The following PDS5A variants were observed in gnomAD, a reference collection of about 807,000 sequenced individuals.
PDS5A encodes PDS5 cohesin associated factor A, also known as sister chromatid cohesion protein PDS5 homolog A.
In PDS5A, 42 loss-of-function variants were observed where a neutral mutation model predicts 167.1. That is an observed-to-expected ratio of 0.25 (90% CI 0.20 to 0.33). The LOEUF (loss-of-function observed/expected upper bound fraction) is 0.33, where lower values mean the gene tolerates loss of function less well. Ranked by LOEUF, PDS5A falls within the 10% of genes least tolerant of loss-of-function variation. The pLI is 1.00. For missense variants in PDS5A, 1,033 were observed against 1,605.9 expected (o/e 0.64, Z 6.10); for synonymous variants, 553 against 554.6 (o/e 1.00, Z 0.04).
chr4:39,943,741 C>T (rs569057518), intron 2 of PDS5A, among the ~76,000 whole-genome samples: 2 of 151,400 alleles, frequency 1.3e-5, no homozygotes, highest in East Asian at 1.9e-4. Flanking sequence ...TGGGAGGCGG[C>T]GGTTGCAGTG....
chr4:39,925,497 G>A (rs765976702), intron 5 of PDS5A, among the ~76,000 whole-genome samples: 14 of 152,228 alleles, frequency 9.2e-5, no homozygotes, highest in Non-Finnish European at 1.6e-4. Context: ...GGTTTCAGAC[G>A]ATTTGCTTTA....
intron 2 of PDS5A, among the ~76,000 whole-genome samples, chr4:39,964,663 C>T (rs1394198333): frequency 3.9e-5 from 6 of 152,190 alleles, no homozygotes; most frequent in African/African-American, 1.4e-4. Flanking sequence ...CCAGTGCACT[C>T]CAGCCTGGGC....
intron 22 of PDS5A, among the ~76,000 whole-genome samples, chr4:39,867,771 CA>C (rs779620662): frequency 0.083 from 11,147 of 134,954 alleles, 448 homozygotes; most frequent in Non-Finnish European, 0.1. Flanking sequence ...CACACACACA[CA>C]CACCCCACAA....
At chr4:39,927,695 T>C (rs1202704983) in intron 3 of PDS5A, among the ~76,000 whole-genome samples, 1 of 152,214 alleles carries the variant, frequency 6.6e-6, no homozygotes, top group Non-Finnish European at 1.5e-5. Flanking sequence ...TGGGCTTTTG[T>C]GATGAATTAG....
intron 31 of PDS5A, among the ~76,000 whole-genome samples, chr4:39,841,682 T>A (rs1717033693): frequency 6.6e-6 from 1 of 152,128 alleles, no homozygotes; most frequent in African/African-American, 2.4e-5. Context: ...CCGGTAATTT[T>A]TTTATTTTTA....
At chr4:39,862,789 C>A in intron 25 of PDS5A, 80 bp downstream of exon 25, 1 of 816,166 alleles carries the variant, frequency 1.2e-6, no homozygotes, top group Non-Finnish European at 2.0e-6. Flanking sequence ...ATAATAGAAA[C>A]ACATGACAAG....
intron 11 of PDS5A, among the ~76,000 whole-genome samples, chr4:39,904,986 A>G (rs1406888043): frequency 1.3e-5 from 2 of 152,190 alleles, no homozygotes; most frequent in East Asian, 1.9e-4. Flanking sequence ...TTAACTTCGG[A>G]TAAGAACAAA....
intron 2 of PDS5A, among the ~76,000 whole-genome samples, chr4:39,962,786 A>ACTC (rs1288669200): frequency 1.3e-5 from 2 of 151,800 alleles, no homozygotes; most frequent in Non-Finnish European, 2.9e-5. Flanking sequence ...ACAGAGCGAG[A>ACTC]CTCCGTCTGG....
At chr4:39,969,980 A>G (rs1730347375) in intron 2 of PDS5A, among the ~76,000 whole-genome samples, 1 of 149,974 alleles carries the variant, frequency 6.7e-6, no homozygotes, top group Non-Finnish European at 1.5e-5. Flanking sequence ...TTTTTTTGAG[A>G]CAGAGTCTCG....
At chr4:39,858,799 A>G (rs367745937) in intron 26 of PDS5A, among the ~76,000 whole-genome samples, 1 of 152,076 alleles carries the variant, frequency 6.6e-6, no homozygotes, top group Non-Finnish European at 1.5e-5. Flanking sequence ...AATTTTTTAT[A>G]TTGTTAGTAG....
chr4:39,868,117 T>C (rs1271236749), intron 22 of PDS5A, among the ~76,000 whole-genome samples: 3 of 152,150 alleles, frequency 2.0e-5, no homozygotes, highest in Non-Finnish European at 4.4e-5. Context: ...TTATTTTAAA[T>C]CCCAAATCTG....
At chr4:39,838,341 T>C in intron 31 of PDS5A, 133 bp from the exon 32 acceptor site, 1 of 657,408 alleles carries the variant, frequency 1.5e-6, no homozygotes, top group South Asian at 2.1e-5. Context: ...TTACATCACA[T>C]TAGGAAAGTA....
At chr4:39,899,297 C>T (rs1194519555) in intron 14 of PDS5A, among the ~76,000 whole-genome samples, 8 of 152,130 alleles carry the variant, frequency 5.3e-5, no homozygotes, top group African/African-American at 1.7e-4. Flanking sequence ...CTTTCTAAAA[C>T]GTACTTCCCT....
chr4:39,951,028 A>G (rs569745002), intron 2 of PDS5A, among the ~76,000 whole-genome samples: 1 of 152,092 alleles, frequency 6.6e-6, no homozygotes, highest in Admixed American at 6.6e-5. Context: ...CATCCTCCCA[A>G]GTAGCTGGGA....
At chr4:39,878,721 C>T (rs1279519783) in intron 18 of PDS5A, among the ~76,000 whole-genome samples, 1 of 152,150 alleles carries the variant, frequency 6.6e-6, no homozygotes, top group African/African-American at 2.4e-5. Context: ...CATGAGGCAT[C>T]ATATCAATTC....
Position 39,945,183 on chromosome 4 carries a change from G to A in PDS5A, c.139-17019C>T, listed in dbSNP as rs1192202150. ...CATAAAAATCTAAATGCAGGCGGCC[G>A]GGTGCAGTGGCTCACACCTGTAATC... On this transcript the variant is annotated intron_variant, in intron 2 of 32. Coordinates refer to ENST00000303538, the MANE Select transcript of PDS5A (RefSeq NM_001100399.2). 5.3e-5 allele frequency among the ~76,000 whole-genome samples: 8 copies of A among 151,988 alleles called. No individual in the cohort carries two copies. The South Asian group carries it at 6.2e-4, about 12-fold the overall frequency.
At chr4:39,970,790 C>CT (rs35223238) in intron 2 of PDS5A, among the ~76,000 whole-genome samples, 18,061 of 88,440 alleles carry the variant, frequency 0.2, 2,263 homozygotes, top group Middle Eastern at 0.23. Context: ...CCGCTTGTTC[C>CT]TTTTTTTTTT....
intron 2 of PDS5A, among the ~76,000 whole-genome samples, chr4:39,954,670 TAAAAAAAAAAAA>T (rs777287409): frequency 4.1e-5 from 2 of 48,280 alleles, no homozygotes; most frequent in South Asian, 6.9e-4. Context: ...AAGAGATAAG[TAAAAAAAAAAAA>T]AAAAAAAAAA....
At chr4:39,908,182 T>C (rs1025985755) in intron 11 of PDS5A, among the ~76,000 whole-genome samples, 3 of 152,184 alleles carry the variant, frequency 2.0e-5, no homozygotes, top group Admixed American at 6.5e-5. Context: ...AAGAAACCCA[T>C]GCTTAAGATC....
Sources: allele counts gnomAD v4.1 joint callset (sites outside exome capture counted in the v4.1 genomes callset), GRCh38; gene constraint gnomAD v4.1.1; transcripts MANE v1.5; gene names NCBI Gene and HGNC (gene_info 2026-07-23, HGNC 2026-07-21).